The following NCKAP5 variants were observed in gnomAD, a reference collection of about 807,000 sequenced individuals.
NCKAP5 encodes nck-associated protein 5.
A neutral mutation model predicts 167.0 loss-of-function variants in NCKAP5; 92 were observed. That is an observed-to-expected ratio of 0.55 (90% CI 0.47 to 0.66). The LOEUF (loss-of-function observed/expected upper bound fraction) is 0.66, where lower values mean the gene tolerates loss of function less well. Ranked by LOEUF, NCKAP5 falls within the 30% of genes least tolerant of loss-of-function variation. The pLI, the probability that NCKAP5 is intolerant of heterozygous loss-of-function variation, is 0.00. For synonymous variants in NCKAP5, 891 were observed against 877.4 expected (o/e 1.02, Z -0.27); for missense variants, 2,378 against 2,315.0 (o/e 1.03, Z -0.56).
intron 3 of NCKAP5, among the ~76,000 whole-genome samples, chr2:133,342,147 G>C (rs1018347977): frequency 7.9e-5 from 12 of 152,062 alleles, no homozygotes; most frequent in Non-Finnish European, 1.6e-4. Context: ...CACCATGTTA[G>C]CCAGGATGGT....
intron 2 of NCKAP5, among the ~76,000 whole-genome samples, chr2:133,517,813 G>C (rs967238246): frequency 1.3e-5 from 2 of 152,190 alleles, no homozygotes; most frequent in African/African-American, 4.8e-5. Context: ...TGGAGTTGGG[G>C]AATGGGTTTG....
intron 3 of NCKAP5, among the ~76,000 whole-genome samples, chr2:133,515,114 T>A (rs1018485466): frequency 2.0e-5 from 3 of 152,126 alleles, no homozygotes; most frequent in African/African-American, 7.2e-5. Flanking sequence ...TGAGTTCAGA[T>A]CCCTCACAGG....
intron 5 of NCKAP5, among the ~76,000 whole-genome samples, chr2:133,197,482 T>C (rs894405961): frequency 4.6e-5 from 7 of 151,962 alleles, no homozygotes; most frequent in Non-Finnish European, 7.4e-5. Flanking sequence ...CATAATACAA[T>C]ATCCAAAATA....
chr2:133,483,644 C>G (rs1447764175), intron 3 of NCKAP5, among the ~76,000 whole-genome samples: 1 of 150,430 alleles, frequency 6.6e-6, no homozygotes, highest in Non-Finnish European at 1.5e-5. Flanking sequence ...GGGGCTTTTT[C>G]TCTCTTAAAA....
Position 133,269,378 on chromosome 2 carries a change from C to T in NCKAP5, c.143+33659G>A, listed in dbSNP as rs563759648. 5.9e-5 allele frequency among the ~76,000 whole-genome samples: 9 copies of T among 152,040 alleles called. No homozygotes were observed. The South Asian group carries it at 1.9e-3, about 32-fold the overall frequency. On this transcript the variant is annotated intron_variant, in intron 4 of 19. Coordinates refer to ENST00000409261, the MANE Select transcript of NCKAP5 (RefSeq NM_207363.3). ...AAAGCAGAGTGGGCTGGGTGGTGCA[C>T]AAGTTTAAATACAAGAGTTCTCAGT...
intron 6 of NCKAP5, among the ~76,000 whole-genome samples, chr2:133,102,157 T>C (rs1423308476): frequency 6.6e-6 from 1 of 152,186 alleles, no homozygotes; most frequent in Non-Finnish European, 1.5e-5. Flanking sequence ...TTTGTTTGCT[T>C]GGTTTTTGAA....
chr2:133,563,508 G>T (rs1476821502), intron 1 of NCKAP5, among the ~76,000 whole-genome samples: 1 of 135,732 alleles, frequency 7.4e-6, no homozygotes, highest in African/African-American at 2.8e-5. Context: ...GTCAGAGGTT[G>T]CAGTGAGTCG....
In NCKAP5 at chr2:133,171,520, T is replaced by C. The variant is rs557653424; in HGVS notation, c.208-41409A>G. Among the ~76,000 whole-genome samples the C allele has an allele frequency of 3.3e-5, 5 of 152,320 alleles. No homozygotes were observed. The East Asian group carries it at 7.7e-4, about 24-fold the overall frequency. On this transcript the variant is annotated intron_variant, in intron 5 of 19. Coordinates refer to ENST00000409261, the MANE Select transcript of NCKAP5 (RefSeq NM_207363.3). ...TGGTTCCATCATGCCCAGAGCACTA[T>C]GTCACATGCATTCAACTTGCCAAGA...
At chr2:133,103,642 A>G (rs2081589359) in intron 6 of NCKAP5, among the ~76,000 whole-genome samples, 1 of 152,160 alleles carries the variant, frequency 6.6e-6, no homozygotes, top group African/African-American at 2.4e-5. Context: ...AAGTTAAAAA[A>G]TTGACTGGGC....
chr2:132,958,674 G>GTT, intron 8 of NCKAP5, among the ~76,000 whole-genome samples: 1 of 152,168 alleles, frequency 6.6e-6, no homozygotes, highest in East Asian at 1.9e-4. Flanking sequence ...CCTTGGACTT[G>GTT]CCAAGCTTTC....
chr2:133,003,047 T>C lies in NCKAP5; in HGVS notation c.342-8808A>G, dbSNP rs114523980. The stretch of plus-strand genomic sequence containing the variant: ...TAACTGTTCTTTTTGTTACGTTGAA[T>C]GTCTGTATGCTTCAACTCAGCTAAT... On this transcript the variant is annotated intron_variant, in intron 6 of 19. Transcript: ENST00000409261. Among the ~76,000 whole-genome samples, 1,367 of 152,300 alleles carry C rather than the reference T, an allele frequency of 9.0e-3. 7 individuals are homozygous for C. Among genetic ancestry groups the C allele is most frequent in the Non-Finnish European group, 0.016 (1,058 of 68,028 alleles).
intron 3 of NCKAP5, among the ~76,000 whole-genome samples, chr2:133,371,270 T>G (rs113268433): frequency 3.0e-4 from 45 of 152,330 alleles, no homozygotes; most frequent in African/African-American, 1.0e-3. Context: ...TGGATTCTTT[T>G]AAGCCATCAT....
chr2:133,429,570 T>C (rs1156236746), intron 3 of NCKAP5, among the ~76,000 whole-genome samples: 2 of 152,156 alleles, frequency 1.3e-5, no homozygotes, highest in Non-Finnish European at 2.9e-5. Context: ...ATATGCACTA[T>C]TTGTTTTCTT....
At chr2:133,273,968 T>C (rs941333495) in intron 4 of NCKAP5, among the ~76,000 whole-genome samples, 4 of 140,688 alleles carry the variant, frequency 2.8e-5, no homozygotes, top group African/African-American at 1.1e-4. Flanking sequence ...ATAAAGTTTG[T>C]CTACCAAAAA....
intron 6 of NCKAP5, among the ~76,000 whole-genome samples, chr2:133,079,300 G>A (rs571414577): frequency 1.3e-5 from 2 of 152,280 alleles, no homozygotes; most frequent in East Asian, 3.9e-4. Flanking sequence ...CAGCAAAGGG[G>A]ACTTGGAGAT....
chr2:133,178,353 T>C (rs187174483), intron 5 of NCKAP5, among the ~76,000 whole-genome samples: 94 of 151,258 alleles, frequency 6.2e-4, no homozygotes, highest in African/African-American at 2.1e-3. Context: ...ATGAAAATTA[T>C]CCAGGTGTGG....
At chr2:133,218,159 ATATT>A (rs1310412843) in intron 4 of NCKAP5, among the ~76,000 whole-genome samples, 1 of 152,168 alleles carries the variant, frequency 6.6e-6, no homozygotes, top group Non-Finnish European at 1.5e-5. Context: ...ATTTATTAAA[ATATT>A]TATTAAATCA....
chr2:133,079,904 C>T (rs1237480930), intron 6 of NCKAP5, among the ~76,000 whole-genome samples: 1 of 152,040 alleles, frequency 6.6e-6, no homozygotes, highest in South Asian at 2.1e-4. Context: ...TAGCTGTTCC[C>T]CATTGTTGAA....
At chr2:133,379,481 CA>C (rs1437829908) in intron 3 of NCKAP5, among the ~76,000 whole-genome samples, 1 of 152,120 alleles carries the variant, frequency 6.6e-6, no homozygotes, top group Non-Finnish European at 1.5e-5. Flanking sequence ...GGAAAGTTAC[CA>C]GGATTTTCTT....
Sources: allele counts gnomAD v4.1 joint callset (sites outside exome capture counted in the v4.1 genomes callset), GRCh38; gene constraint gnomAD v4.1.1; transcripts MANE v1.5; gene names NCBI Gene and HGNC (gene_info 2026-07-23, HGNC 2026-07-21).